STX1A: variants seen among roughly 807,000 people sequenced by gnomAD.
STX1A encodes syntaxin-1A.
In STX1A, 4 loss-of-function variants were observed where a neutral mutation model predicts 37.8. The ratio of observed to expected loss-of-function variants is 0.11; its 90% CI spans 0.05 to 0.24. STX1A has a LOEUF of 0.24. STX1A is among the 10% of genes least tolerant of loss of function. The pLI, the probability that STX1A is intolerant of heterozygous loss-of-function variation, is 1.00. For missense variants in STX1A, 251 were observed against 399.9 expected (o/e 0.63, Z 3.18); for synonymous variants, 135 against 147.4 (o/e 0.92, Z 0.61).
Position 73,709,158 on chromosome 7 carries a change from T to TACAGG in STX1A, c.31-41_31-37dup. ...TTGTGCACACATAAGTGGACGTATG[T>TACAGG]ACAGGACCCACCTGTACACACGCAG... On this transcript the variant is annotated intron_variant, in intron 1 of 9. Transcript: ENST00000222812. The surrounding 1 kb of genome is among the most constrained non-coding windows in gnomAD (Gnocchi z 4.2). 6.2e-7 allele frequency: 1 copy of TACAGG among 1,604,650 alleles called. No individual in the cohort carries two copies. Among genetic ancestry groups the TACAGG allele is most frequent in the Non-Finnish European group, 8.5e-7 (1 of 1,177,520 alleles).
At chr7:73,712,553 C>A (rs781842962) in intron 1 of STX1A, among the ~76,000 whole-genome samples, 1 of 152,076 alleles carries the variant, frequency 6.6e-6, no homozygotes, top group Non-Finnish European at 1.5e-5. Context: ...AACTCTCAGG[C>A]CCTAAGGGAC....
In STX1A at chr7:73,700,099, A is replaced by T. The variant is rs1798589654; in HGVS notation, c.*308T>A. ...GAACCTGGGCCCACCGAGTTACTGA[A>T]GGCAAGGAAGGGTGGCCTGTGTCAC... On this transcript the variant is annotated 3_prime_UTR_variant, in exon 10 of 10. Coordinates refer to ENST00000222812, the MANE Select transcript of STX1A (RefSeq NM_004603.4). This position sits in a 1 kb window ranked among gnomAD's most constrained non-coding sequence, Gnocchi z 4.4. The T allele has an allele frequency of 4.4e-6, 2 of 454,468 alleles. No homozygotes were observed. Among genetic ancestry groups the T allele is most frequent in the Admixed American group, 3.7e-5 (1 of 27,276 alleles). The allele number at this position is 454,468 out of a possible 1,614,324, so 28.2% of individuals were successfully genotyped here.
intron 6 of STX1A, 55 bp from the exon 7 acceptor site, chr7:73,703,883 A>T (rs549084207): frequency 1.9e-6 from 3 of 1,575,848 alleles, no homozygotes; most frequent in South Asian, 2.3e-5. Context: ...GTTCAGCAGC[A>T]GCATTGGGCC....
intron 1 of STX1A, 110 bp downstream of exon 1, chr7:73,719,492 G>A (rs889225091): frequency 6.4e-5 from 68 of 1,063,984 alleles, no homozygotes; most frequent in Non-Finnish European, 7.4e-5. Context: ...AGCCCTGGCT[G>A]GGGGCGCAGG....
chr7:73,712,214 G>C (rs1799128188), intron 1 of STX1A, among the ~76,000 whole-genome samples: 1 of 152,060 alleles, frequency 6.6e-6, no homozygotes. Context: ...AGAGGGGATG[G>C]GCGAAGTGGG....
At chr7:73,716,977 C>T (rs556299842) in intron 1 of STX1A, among the ~76,000 whole-genome samples, 2 of 152,296 alleles carry the variant, frequency 1.3e-5, no homozygotes, top group Admixed American at 1.3e-4. Context: ...GGGACTGCGA[C>T]AGCATTGAGG....
At position 73,717,810 on chromosome 7, in the gene STX1A, G is replaced by C. The variant is rs1428518429; in HGVS notation, c.30+1792C>G. On this transcript the variant is annotated intron_variant, in intron 1 of 9. Transcript: ENST00000222812. This position sits in a 1 kb window ranked among gnomAD's most constrained non-coding sequence, Gnocchi z 4.1. ...AGAGCAAAAAGATCTGGGTTCAAAC[G>C]CTTCACAACCCCAGCTCCACTGGCT... Among the ~76,000 whole-genome samples, 2 of 152,106 alleles carry C rather than the reference G, an allele frequency of 1.3e-5. No homozygotes were observed. The highest frequency in any genetic ancestry group is 2.9e-5 in the Non-Finnish European group (2 of 68,002).
chr7:73,707,310 C>A (rs1401540746), intron 3 of STX1A, among the ~76,000 whole-genome samples: 7 of 152,202 alleles, frequency 4.6e-5, no homozygotes, highest in Admixed American at 4.6e-4. Context: ...GCGAGCCTGA[C>A]ACACAGGCTC....
intron 7 of STX1A, chr7:73,703,514 C>T (rs555496585): frequency 5.8e-6 from 4 of 691,204 alleles, no homozygotes; most frequent in African/African-American, 5.3e-5. Context: ...GAGCCGCTGG[C>T]CGCCGGCGAA....
In STX1A at chr7:73,706,388, C is replaced by T. The variant is rs1314739928; in HGVS notation, c.209-1164G>A. The stretch of plus-strand genomic sequence containing the variant: ...AATAGCCCAGGCCGGATGGCAGCCC[C>T]CAGAGGAGGCAGAGCCTGCCTTGCC... On this transcript the variant is annotated intron_variant, in intron 3 of 9. Transcript: ENST00000222812. This position sits in a 1 kb window ranked among gnomAD's most constrained non-coding sequence, Gnocchi z 4.6. Among the ~76,000 whole-genome samples the T allele has an allele frequency of 9.9e-5, 15 of 152,266 alleles. No homozygotes were observed. Among genetic ancestry groups the T allele is most frequent in the Admixed American group, 6.5e-4 (10 of 15,296 alleles).
At chr7:73,718,961 GCC>G (rs577689799) in intron 1 of STX1A, among the ~76,000 whole-genome samples, 4,536 of 145,614 alleles carry the variant, frequency 0.031, 123 homozygotes, top group African/African-American at 0.066. Flanking sequence ...CGGGTGTGAC[GCC>G]CCCCCCCCCA....
chr7:73,700,155 C>G lies in STX1A; in HGVS notation c.*252G>C. Reference sequence around the variant, plus strand: ...CGGCCCTGCCTGGGTCTGCTCCTCGCTGTGCACACTGCATCACGCCCCGCT... The same window carrying G: ...CGGCCCTGCCTGGGTCTGCTCCTCGGTGTGCACACTGCATCACGCCCCGCT... On this transcript the variant is annotated 3_prime_UTR_variant, in exon 10 of 10. Transcript: ENST00000222812. The surrounding 1 kb of genome is among the most constrained non-coding windows in gnomAD (Gnocchi z 4.4). The G allele has an allele frequency of 1.7e-6, 1 of 576,704 alleles. No homozygotes were observed. Among genetic ancestry groups the G allele is most frequent in the South Asian group, 2.0e-5 (1 of 49,594 alleles). The allele number at this position is 576,704 out of a possible 1,614,324, so 35.7% of individuals were successfully genotyped here. A position where few individuals can be genotyped will look rare whatever the true frequency, so the allele number is the denominator to read the frequency against.
At position 73,719,447 on chromosome 7, in the gene STX1A, G is replaced by A. The variant is rs575070447; in HGVS notation, c.30+155C>T. On this transcript the variant is annotated intron_variant, in intron 1 of 9. Coordinates refer to ENST00000222812, the MANE Select transcript of STX1A (RefSeq NM_004603.4). ...TGGGTCCGAGGGGCGGAACCCGGAGGGGGGTCGAGGTCCCTGGCTCGCCCC... is the reference window on the plus strand; with the variant it reads ...TGGGTCCGAGGGGCGGAACCCGGAGAGGGGTCGAGGTCCCTGGCTCGCCCC... Among the ~76,000 whole-genome samples the A allele has an allele frequency of 2.6e-5, 4 of 152,240 alleles. No individual in the cohort carries two copies. In the East Asian group the frequency reaches 5.8e-4, roughly 22 times the overall value.
At chr7:73,703,522 G>T in intron 7 of STX1A, 1 of 699,424 alleles carries the variant, frequency 1.4e-6, no homozygotes, top group Non-Finnish European at 2.6e-6. Flanking sequence ...GGCCGCCGGC[G>T]AAAGTGAGTC....
At chr7:73,716,584 C>G in intron 1 of STX1A, 1 of 152,690 alleles carries the variant, frequency 6.5e-6, no homozygotes, top group Non-Finnish European at 1.5e-5. Context: ...GGATCACCTT[C>G]TCTCCTCCTA....
intron 1 of STX1A, among the ~76,000 whole-genome samples, chr7:73,718,194 G>C (rs182968239): frequency 6.6e-6 from 1 of 152,184 alleles, no homozygotes; most frequent in South Asian, 2.1e-4. Flanking sequence ...GCCCATATGC[G>C]ACTTGAGGGA....
In STX1A at chr7:73,708,647, G is replaced by C. The variant is rs2229854; in HGVS notation, c.150C>G (p.Asn50Lys). 1.9e-6 allele frequency: 3 copies of C among 1,614,058 alleles called. No individual in the cohort carries two copies. The highest frequency in any genetic ancestry group is 4.5e-5 in the East Asian group (2 of 44,878). ...TGTGCTTCCGCTTCACCTCCTCCAC[G>C]TTCTCTGCGATCTTGTCAATGAAGC... ...IRGFIDKIAENVEEVKRKHSA... is the reference protein window; with the variant it reads ...IRGFIDKIAEKVEEVKRKHSA... Residue 50 changes from asparagine (N) to lysine (K), a missense_variant, in exon 3 of 10, where the codon AAC (asparagine) becomes AAG (lysine). Asn to Lys is a moderately conservative substitution (Grantham distance 94). Around this residue, in one of 2 missense-constraint regions of STX1A, gnomAD observed 214 missense variants for 367.6 expected, o/e 0.58. Transcript: ENST00000222812.
intron 1 of STX1A, among the ~76,000 whole-genome samples, chr7:73,712,470 GC>G (rs1191915190): frequency 6.6e-6 from 1 of 150,694 alleles, no homozygotes; most frequent in East Asian, 2.0e-4. Context: ...AAGCCTCCCT[GC>G]CCCCCCAAAT....
chr7:73,708,895 C>T (rs544471815), intron 2 of STX1A, 150 bp downstream of exon 2: 2 of 962,498 alleles, frequency 2.1e-6, no homozygotes, highest in African/African-American at 3.2e-5. Flanking sequence ...GAGCTTCCAT[C>T]TATTCACCCT....
Sources: gnomAD v4.1 joint callset for allele counts (sites outside exome capture counted in the v4.1 genomes callset) on GRCh38, gnomAD v4.1.1 for gene constraint, gnomAD v4.1.1 regional missense constraint, Gnocchi (gnomAD v3.1) non-coding constraint, MANE v1.5 for transcripts, NCBI Gene and HGNC (gene_info 2026-07-23, HGNC 2026-07-21) for gene names.